The following LRBA variants were observed in gnomAD, a reference collection of about 807,000 sequenced individuals.
LRBA encodes the protein lipopolysaccharide-responsive and beige-like anchor protein.
LRBA carries 176 observed loss-of-function variants against 330.0 expected under a neutral mutation model. That is an observed-to-expected ratio of 0.53 (90% CI 0.47 to 0.60). The LOEUF (loss-of-function observed/expected upper bound fraction) is 0.60, where lower values mean the gene tolerates loss of function less well. Among genes scored for constraint, LRBA ranks in the 20% least tolerant of loss-of-function variants. The pLI, the probability that LRBA is intolerant of heterozygous loss-of-function variation, is 0.00. For synonymous variants in LRBA, 1,230 were observed against 1,193.0 expected (o/e 1.03, Z -0.64); for missense variants, 3,259 against 3,444.8 (o/e 0.95, Z 1.35).
At chr4:150,773,003 T>C (rs1736792445) in intron 34 of LRBA, among the ~76,000 whole-genome samples, 1 of 152,168 alleles carries the variant, frequency 6.6e-6, no homozygotes, top group South Asian at 2.1e-4. Context: ...TTTTTGGTTA[T>C]AGGAGGGGCC....
chr4:150,805,998 C>G (rs1742738291), intron 33 of LRBA, among the ~76,000 whole-genome samples: 1 of 145,084 alleles, frequency 6.9e-6, no homozygotes, highest in African/African-American at 2.6e-5. Context: ...ATTCTTTGCT[C>G]TCAAAATTAA....
At chr4:150,897,678 T>G in intron 15 of LRBA, 61 bp downstream of exon 15, 2 of 1,167,150 alleles carry the variant, frequency 1.7e-6, no homozygotes, top group Non-Finnish European at 2.5e-6. Context: ...AAGATTGTAT[T>G]TCATGTGAAA....
intron 9 of LRBA, among the ~76,000 whole-genome samples, chr4:150,912,511 C>T (rs554215721): frequency 5.3e-5 from 8 of 152,186 alleles, no homozygotes; most frequent in East Asian, 1.9e-4. Flanking sequence ...TATGGTGAGT[C>T]GTATAATTAT....
Position 151,014,590 on chromosome 4 carries a change from C to T in LRBA, c.53G>A (p.Gly18Glu), listed in dbSNP as rs749860824. 6 of 1,611,548 alleles carry T rather than the reference C, an allele frequency of 3.7e-6. No homozygotes were observed. In the African/African-American group the frequency reaches 5.3e-5, roughly 14 times the overall value. Residue 18 changes from glycine to glutamate, a missense_variant, in exon 2 of 57, where the codon GGG becomes GAG. By Grantham distance (98) the Gly-to-Glu change is moderately conservative (BLOSUM62 -2). Transcript: ENST00000651943. ...GGTTTCTTCTCTCCCTCCACCTCCC[C>T]CGTCATCACCTGTTGGTGGCGGGGA... ...VPSPPPTGDD[G>E]GGGGREETPT...
intron 37 of LRBA, among the ~76,000 whole-genome samples, chr4:150,613,180 C>T (rs1210506628): frequency 6.6e-6 from 1 of 152,058 alleles, no homozygotes; most frequent in Non-Finnish European, 1.5e-5. Context: ...TACTGAATAC[C>T]AACAATGAGT....
chr4:150,495,306 G>A (rs10000477), intron 40 of LRBA, among the ~76,000 whole-genome samples: 206 of 152,036 alleles, frequency 1.4e-3, no homozygotes, highest in African/African-American at 4.8e-3. Flanking sequence ...GATATAAATG[G>A]TATCATACTG....
At chr4:150,700,856 C>T (rs534678062) in intron 36 of LRBA, among the ~76,000 whole-genome samples, 2 of 151,264 alleles carry the variant, frequency 1.3e-5, no homozygotes, top group African/African-American at 2.4e-5. Context: ...TCACTGGGCT[C>T]GAGTGATTCT....
intron 49 of LRBA, among the ~76,000 whole-genome samples, chr4:150,323,484 C>A (rs765278500): frequency 5.3e-5 from 8 of 152,134 alleles, no homozygotes; most frequent in South Asian, 2.1e-4. Context: ...CAAAAAAAAT[C>A]TCTCATGTGT....
rs1752259408 is a variant in LRBA at position 150,444,044 on chromosome 4, C to T, written c.6781-7180G>A. Among the ~76,000 whole-genome samples the T allele has an allele frequency of 2.0e-5, 3 of 151,164 alleles. No individual in the cohort carries two copies. The South Asian group carries it at 6.3e-4, about 32-fold the overall frequency. On this transcript the variant is annotated intron_variant, in intron 44 of 56. Coordinates refer to ENST00000651943, the MANE Select transcript of LRBA (RefSeq NM_001364905.1). ...AAAAATACTATTAAAGTTTTTATCC[C>T]TACTTACATAATGTCTGTGGATATC... is the stretch of plus-strand genomic sequence containing the variant.
In LRBA at chr4:150,371,182, A is replaced by ATTTTTTTTTT. The variant is rs70937395; in HGVS notation, c.7195-21033_7195-21024dup. 1.6e-3 allele frequency among the ~76,000 whole-genome samples: 151 copies of ATTTTTTTTTT among 91,924 alleles called. 13 individuals are homozygous for ATTTTTTTTTT. Among genetic ancestry groups the ATTTTTTTTTT allele is most frequent in the African/African-American group, 6.9e-3 (144 of 20,824 alleles). The allele number at this position is 91,924 out of a possible 152,430, so 60.3% of individuals were successfully genotyped here. On this transcript the variant is annotated intron_variant, in intron 47 of 56. Transcript: ENST00000651943. ...AAAAGCATGAGCTGCAAGCTACTAA[A>ATTTTTTTTTT]TTTTTTTTTTTTTTTTTTTTTTTTT...
At position 150,583,888 on chromosome 4, in the gene LRBA, C is replaced by G. The variant is rs1771742907; in HGVS notation, c.6330+4160G>C. On this transcript the variant is annotated intron_variant, in intron 40 of 56. Coordinates refer to ENST00000651943, the MANE Select transcript of LRBA (RefSeq NM_001364905.1). This position sits in a 1 kb window ranked among gnomAD's most constrained non-coding sequence, Gnocchi z 9.8. ...GCTGTACGAGTGCGAGAAACACCCA[C>G]GAGAAACGGACTGGGACGAGTCGTG... 1.2e-6 allele frequency: 2 copies of G among 1,613,364 alleles called. No homozygotes were observed. The highest frequency in any genetic ancestry group is 2.2e-5 in the East Asian group (1 of 44,882).
intron 2 of LRBA, among the ~76,000 whole-genome samples, chr4:150,979,079 C>G (rs954712998): frequency 6.6e-6 from 1 of 152,090 alleles, no homozygotes; most frequent in African/African-American, 2.4e-5. Context: ...AAGACTACCT[C>G]AAGGCATTTA....
intron 2 of LRBA, among the ~76,000 whole-genome samples, chr4:150,995,204 G>C (rs1025761797): frequency 2.0e-5 from 3 of 151,962 alleles, no homozygotes; most frequent in Non-Finnish European, 4.4e-5. Context: ...ATTCAGTTTC[G>C]AGAGATTCTG....
intron 17 of LRBA, among the ~76,000 whole-genome samples, chr4:150,877,559 TAGAC>T (rs1250721221): frequency 2.0e-5 from 3 of 152,202 alleles, no homozygotes; most frequent in Non-Finnish European, 2.9e-5. Context: ...GGAACAGACT[TAGAC>T]AGTCACACAA....
At chr4:150,340,168 T>G (rs983594751) in intron 48 of LRBA, among the ~76,000 whole-genome samples, 2 of 152,176 alleles carry the variant, frequency 1.3e-5, no homozygotes. Context: ...CTGAGTCAAT[T>G]AAACCTCTTT....
chr4:150,579,968 GC>G (rs994643358), intron 40 of LRBA: 2 of 324,634 alleles, frequency 6.2e-6, no homozygotes, highest in African/African-American at 4.4e-5. Context: ...CAACCACGGA[GC>G]CCCTCCCGGC....
intron 40 of LRBA, among the ~76,000 whole-genome samples, chr4:150,553,322 TG>T (rs942328889): frequency 2.5e-4 from 37 of 150,678 alleles, no homozygotes; most frequent in Admixed American, 5.3e-4. Context: ...TGTCGTGGGG[TG>T]GGGGGAAGGG....
intron 38 of LRBA, among the ~76,000 whole-genome samples, chr4:150,598,240 G>A (rs977478450): frequency 2.6e-5 from 4 of 152,032 alleles, no homozygotes; most frequent in South Asian, 4.2e-4. Context: ...TTTAATGTGG[G>A]GAGGAGCATT....
At chr4:150,849,919 A>G (rs1464269072) in intron 24 of LRBA, among the ~76,000 whole-genome samples, 8 of 152,186 alleles carry the variant, frequency 5.3e-5, no homozygotes, top group African/African-American at 1.9e-4. Context: ...TTAAAAATGA[A>G]TTTTCTTCTG....
Sources: gnomAD v4.1 joint callset for allele counts (sites outside exome capture counted in the v4.1 genomes callset) on GRCh38, gnomAD v4.1.1 for gene constraint, Gnocchi (gnomAD v3.1) non-coding constraint, MANE v1.5 for transcripts, NCBI Gene and HGNC (gene_info 2026-07-23, HGNC 2026-07-21) for gene names.